WWOX: variants seen among roughly 807,000 people sequenced by gnomAD.
The protein encoded by WWOX is WW domain-containing oxidoreductase.
WWOX carries 69 observed loss-of-function variants against 46.2 expected under a neutral mutation model. The ratio of observed to expected loss-of-function variants is 1.49; its 90% CI spans 1.23 to 1.82. WWOX has a LOEUF of 1.82. Ranked by LOEUF, WWOX falls within the 40% of genes most tolerant of loss-of-function variation. WWOX has a pLI of 0.00. For missense variants in WWOX, 919 were observed against 542.6 expected (o/e 1.69, Z -6.89); for synonymous variants, 359 against 202.6 (o/e 1.77, Z -6.56).
At chr16:79,016,618 T>G (rs2047418310) in intron 8 of WWOX, 1 of 152,246 alleles carries the variant, frequency 6.6e-6, no homozygotes, top group Non-Finnish European at 1.5e-5. Context: ...AGATGGGGTT[T>G]TGCCATGTTG....
At chr16:79,057,207 C>A (rs2048279174) in intron 8 of WWOX, among the ~76,000 whole-genome samples, 1 of 152,082 alleles carries the variant, frequency 6.6e-6, no homozygotes, top group Non-Finnish European at 1.5e-5. Context: ...ATGGTTGAGA[C>A]AAGAATTGCC....
chr16:78,287,327 G>A (rs1008384780), intron 5 of WWOX, among the ~76,000 whole-genome samples: 2 of 152,056 alleles, frequency 1.3e-5, no homozygotes, highest in East Asian at 3.9e-4. Flanking sequence ...CTGTTGAAAT[G>A]AACTAGCATC....
chr16:78,656,645 C>T (rs1418193978), intron 8 of WWOX, among the ~76,000 whole-genome samples: 1 of 152,162 alleles, frequency 6.6e-6, no homozygotes, highest in Non-Finnish European at 1.5e-5. Flanking sequence ...CCCACCGGGC[C>T]CCTCCTCCAA....
At chr16:78,746,001 G>A (rs534457410) in intron 8 of WWOX, among the ~76,000 whole-genome samples, 97 of 152,254 alleles carry the variant, frequency 6.4e-4, no homozygotes, top group African/African-American at 2.3e-3. Flanking sequence ...AAGGCTACTG[G>A]GAAGGGCCAT....
At chr16:78,291,791 A>G (rs1005923) in intron 5 of WWOX, among the ~76,000 whole-genome samples, 13,270 of 152,170 alleles carry the variant, frequency 0.087, 1,046 homozygotes, top group African/African-American at 0.19. Flanking sequence ...GAGCAGGGAA[A>G]GTCACCAAAA....
intron 8 of WWOX, among the ~76,000 whole-genome samples, chr16:78,567,226 A>G (rs973736122): frequency 6.6e-6 from 1 of 152,158 alleles, no homozygotes; most frequent in African/African-American, 2.4e-5. Flanking sequence ...GCTGCCTGCC[A>G]GGGTCTTTGC....
chr16:78,268,341 T>C (rs925848009), intron 5 of WWOX, among the ~76,000 whole-genome samples: 3 of 152,234 alleles, frequency 2.0e-5, no homozygotes, highest in African/African-American at 7.2e-5. Context: ...CAATGTGTTT[T>C]GCTTTTATCA....
chr16:78,840,766 A>T (rs2052118943), intron 8 of WWOX, among the ~76,000 whole-genome samples: 1 of 151,742 alleles, frequency 6.6e-6, no homozygotes, highest in Non-Finnish European at 1.5e-5. Context: ...ATGTATATAT[A>T]TATGTGGTTT....
intron 8 of WWOX, among the ~76,000 whole-genome samples, chr16:78,959,392 TG>T (rs2046230705): frequency 6.6e-6 from 1 of 152,236 alleles, no homozygotes; most frequent in Non-Finnish European, 1.5e-5. Context: ...TTTTGGAACT[TG>T]ACGTCCATTA....
chr16:78,786,595 A>G (rs2142574481), intron 8 of WWOX, among the ~76,000 whole-genome samples: 1 of 152,280 alleles, frequency 6.6e-6, no homozygotes, highest in Middle Eastern at 3.4e-3. Flanking sequence ...TTGAAGTGTA[A>G]CATTCAACTT....
chr16:78,870,587 T>G (rs575917119), intron 8 of WWOX, among the ~76,000 whole-genome samples: 97 of 152,262 alleles, frequency 6.4e-4, no homozygotes, highest in African/African-American at 2.3e-3. Flanking sequence ...TTCTCACCCC[T>G]ACCAATGTAA....
chr16:78,702,100 T>TTTTATATATATATATA (rs1491267639), intron 8 of WWOX, among the ~76,000 whole-genome samples: 12 of 81,226 alleles, frequency 1.5e-4, no homozygotes, highest in African/African-American at 8.2e-4. Flanking sequence ...ATCTATAAAG[T>TTTTATATATATATATA]TATATATATA....
At chr16:79,026,267 G>A (rs968243393) in intron 8 of WWOX, among the ~76,000 whole-genome samples, 5 of 151,474 alleles carry the variant, frequency 3.3e-5, no homozygotes, top group Non-Finnish European at 5.9e-5. Context: ...CCCTACCCTC[G>A]GTCAACTCCT....
At chr16:78,618,860 G>A (rs948028697) in intron 8 of WWOX, among the ~76,000 whole-genome samples, 4 of 151,634 alleles carry the variant, frequency 2.6e-5, no homozygotes, top group Admixed American at 1.3e-4. Flanking sequence ...CAGGCTATAC[G>A]CGGACACCTT....
chr16:78,290,098 G>A (rs2079835494), intron 5 of WWOX, among the ~76,000 whole-genome samples: 2 of 152,028 alleles, frequency 1.3e-5, no homozygotes, highest in African/African-American at 4.8e-5. Context: ...CATATTTTGT[G>A]CCTTGTGATG....
intron 8 of WWOX, among the ~76,000 whole-genome samples, chr16:78,543,720 G>C (rs2043956045): frequency 6.6e-6 from 1 of 152,152 alleles, no homozygotes; most frequent in South Asian, 2.1e-4. Flanking sequence ...TTGTCTTGTG[G>C]AGGGAACATC....
chr16:78,447,518 A>C (rs1036734718), intron 8 of WWOX, among the ~76,000 whole-genome samples: 3 of 152,226 alleles, frequency 2.0e-5, no homozygotes, highest in Admixed American at 6.5e-5. Context: ...CAGAGGTGAA[A>C]GTATATGTGT....
intron 8 of WWOX, among the ~76,000 whole-genome samples, chr16:79,200,042 A>G (rs1347481285): frequency 6.6e-6 from 1 of 152,122 alleles, no homozygotes; most frequent in Admixed American, 6.5e-5. Context: ...ATGATCCACA[A>G]ATGCCAAGCT....
chr16:78,132,444 G>T (rs2033637074), intron 4 of WWOX, among the ~76,000 whole-genome samples: 1 of 152,182 alleles, frequency 6.6e-6, no homozygotes, highest in African/African-American at 2.4e-5. Context: ...ACAAATGTGT[G>T]TATCTGTGGT....
Sources: allele counts gnomAD v4.1 joint callset (sites outside exome capture counted in the v4.1 genomes callset), GRCh38; gene constraint gnomAD v4.1.1; transcripts MANE v1.5; gene names NCBI Gene and HGNC (gene_info 2026-07-23, HGNC 2026-07-21).